Variants in GP6 observed in about 807,000 individuals in gnomAD.
GP6 encodes glycoprotein VI platelet.
In GP6, 45 loss-of-function variants were observed where a neutral mutation model predicts 37.3. That is an observed-to-expected ratio of 1.21 (90% CI 0.95 to 1.55). GP6 has a LOEUF of 1.55. Among genes scored for constraint, GP6 ranks in the 40% most tolerant of loss-of-function variants. The pLI is 0.00. For synonymous variants in GP6, 340 were observed against 316.4 expected (o/e 1.07, Z -0.79); for missense variants, 813 against 760.2 (o/e 1.07, Z -0.82).
intron 3 of GP6, among the ~76,000 whole-genome samples, chr19:55,029,104 A>G (rs1404733799): frequency 6.4e-5 from 7 of 110,218 alleles, no homozygotes; most frequent in Non-Finnish European, 1.2e-4. Flanking sequence ...AAGAAAGAGG[A>G]AGGAAGGGAG....
In GP6 at chr19:55,015,000, G is replaced by T. The variant is rs775626235; in HGVS notation, c.945C>A (p.Ala315=). Residue 315 remains alanine, a synonymous_variant, in exon 8 of 8, where the codon GCC becomes GCA. Coordinates refer to ENST00000310373, the MANE Select transcript of GP6 (RefSeq NM_001083899.2). The stretch of plus-strand genomic sequence containing the variant: ...GTTTGATTTCCGGGTCAGCGGGAGG[G>T]GCGGGAGGGGCGGAAGCGGCCTCTG... 158 of 1,610,690 alleles carry T rather than the reference G, an allele frequency of 9.8e-5. No individual in the cohort carries two copies. In the Middle Eastern group the frequency reaches 1.2e-3, roughly 12 times the overall value.
At chr19:55,024,115 T>C (rs915669569) in intron 5 of GP6, among the ~76,000 whole-genome samples, 2 of 152,192 alleles carry the variant, frequency 1.3e-5, no homozygotes, top group Non-Finnish European at 2.9e-5. Context: ...GTTTTTATGT[T>C]GTACTCTAAT....
chr19:55,028,093 C>G (rs2074381053), intron 3 of GP6, among the ~76,000 whole-genome samples: 1 of 152,236 alleles, frequency 6.6e-6, no homozygotes, highest in African/African-American at 2.4e-5. Context: ...CCTTCAGGGG[C>G]CTGGTGGCCC....
chr19:55,029,527 A>T (rs534152265), intron 3 of GP6, among the ~76,000 whole-genome samples: 13 of 149,778 alleles, frequency 8.7e-5, no homozygotes, highest in African/African-American at 3.2e-4. Context: ...AGTAGCTGGG[A>T]CTACAGGCAT....
rs1240234772 is a variant in GP6, at chr19:55,014,252, C to T, written c.1693G>A (p.Ala565Thr). ...CTGAGTTGCTGGGAGTATAGGGATG[C>T]ACCACCACACCTGGCTAATTTTTGT... The change falls in exon 8 of 8, where the codon GCA (alanine) becomes ACA (threonine). Residue 565 changes from alanine to threonine, a missense_variant. Physicochemically the swap from Ala to Thr is moderately conservative, Grantham distance 58. Transcript: ENST00000310373. 3.0e-6 allele frequency: 3 copies of T among 1,000,996 alleles called. No homozygotes were observed. Among genetic ancestry groups the T allele is most frequent in the East Asian group, 2.4e-5 (1 of 42,096 alleles). 62.0% of individuals were successfully genotyped at this position (1,000,996 alleles called of 1,614,324 possible). A position where few individuals can be genotyped will look rare whatever the true frequency, so the allele number is the denominator to read the frequency against.
Position 55,014,816 on chromosome 19 carries a change from G to A in GP6, c.1129C>T (p.Gln377Ter), listed in dbSNP as rs751635237. Residue 377 changes from glutamine (Q) to a stop codon, truncating the protein, a stop_gained, in exon 8 of 8, where the codon CAG becomes TAG. Transcript: ENST00000310373. LOFTEE classifies it low-confidence loss of function (END_TRUNC). ...GCAGCATGGCCTCGTTTCCACAGCT[G>A]TAGCCTCTGCCCTCCTGCTTCCACG... The A allele has an allele frequency of 2.0e-5, 32 of 1,613,838 alleles. No individual in the cohort carries two copies. The highest frequency in any genetic ancestry group is 2.7e-5 in the Non-Finnish European group (32 of 1,179,946).
intron 1 of GP6, among the ~76,000 whole-genome samples, chr19:55,035,946 G>A (rs2074813648): frequency 6.6e-6 from 1 of 151,402 alleles, no homozygotes; most frequent in South Asian, 2.1e-4. Context: ...GGTGGCGGGT[G>A]CCTGTAGTCC....
intron 5 of GP6, among the ~76,000 whole-genome samples, chr19:55,023,508 C>T (rs1323149929): frequency 6.6e-6 from 1 of 152,032 alleles, no homozygotes; most frequent in Non-Finnish European, 1.5e-5. Context: ...GTGGCATGTC[C>T]CCCAGTCCCA....
chr19:55,027,758 C>A lies in GP6; in HGVS notation c.430G>T (p.Ala144Ser). 1.2e-6 allele frequency: 2 copies of A among 1,613,914 alleles called. No individual in the cohort carries two copies. The highest frequency in any genetic ancestry group is 1.7e-6 in the Non-Finnish European group (2 of 1,179,770). ...GCAGGGTCCCCTTCCTTGTACAGAG[C>A]AAATTGGTCAAAGCCATACCGAGTC... The change falls in exon 4 of 8, where the codon GCT (alanine) becomes TCT (serine). Residue 144 changes from alanine to serine, a missense_variant. Coordinates refer to ENST00000310373, the MANE Select transcript of GP6 (RefSeq NM_001083899.2).
Position 55,015,049 on chromosome 19 carries a change from G to C in GP6, c.896C>G (p.Pro299Arg). 3 of 1,608,832 alleles carry C rather than the reference G, an allele frequency of 1.9e-6. No homozygotes were observed. Among genetic ancestry groups the C allele is most frequent in the Non-Finnish European group, 2.5e-6 (3 of 1,178,066 alleles). Residue 299 changes from proline to arginine, a missense_variant, in exon 8 of 8, where the codon CCT becomes CGT. Physicochemically the swap from Pro to Arg is moderately radical, Grantham distance 103. Coordinates refer to ENST00000310373, the MANE Select transcript of GP6 (RefSeq NM_001083899.2). ...TGCACAGCCCTGCCCCTGTGCCGCA[G>C]GCGCTTCCTCCGGCTGTGCCAGTCC...
In GP6 at chr19:55,014,033, T is replaced by A. The variant is rs186874802; in HGVS notation, c.*49A>T. Reference sequence around the variant, plus strand: ...AAAATGTATACAGAATTGTACATATTTATGGGGTGGACAGCAATATTGCAG... The same window carrying A: ...AAAATGTATACAGAATTGTACATATATATGGGGTGGACAGCAATATTGCAG... On this transcript the variant is annotated 3_prime_UTR_variant, in exon 8 of 8. Transcript: ENST00000310373. 3.6e-6 allele frequency: 2 copies of A among 559,948 alleles called. No individual in the cohort carries two copies. Among genetic ancestry groups the A allele is most frequent in the East Asian group, 8.4e-5 (2 of 23,918 alleles). 34.7% of individuals were successfully genotyped at this position (559,948 alleles called of 1,614,324 possible). A position where few individuals can be genotyped will look rare whatever the true frequency, so the allele number is the denominator to read the frequency against.
In GP6 at chr19:55,015,134, G is replaced by T; in HGVS notation, c.811C>A (p.Pro271Thr). Residue 271 changes from proline (P) to threonine (T), a missense_variant, in exon 8 of 8, where the codon CCT (proline) becomes ACT (threonine). Pro to Thr is a conservative substitution (Grantham distance 38). Transcript: ENST00000310373. ...CAGCCCCGAGGCATATCCGGACCAG[G>T]TTGCCCTTGGTGTAGTACTGGCGGG... 6.4e-7 allele frequency: 1 copy of T among 1,573,954 alleles called. No homozygotes were observed. Among genetic ancestry groups the T allele is most frequent in the Non-Finnish European group, 8.6e-7 (1 of 1,159,202 alleles).
At position 55,013,756 on chromosome 19, in the gene GP6, A is replaced by G. The variant is rs565777020; in HGVS notation, c.*326T>C. 2.3e-3 allele frequency: 542 copies of G among 236,152 alleles called. 14 individuals carry two copies. The South Asian group carries it at 0.03, about 13-fold the overall frequency. The allele number at this position is 236,152 out of a possible 1,614,324, so 14.6% of individuals were successfully genotyped here. On this transcript the variant is annotated 3_prime_UTR_variant, in exon 8 of 8. Coordinates refer to ENST00000310373, the MANE Select transcript of GP6 (RefSeq NM_001083899.2). ...TTTTAAGTAGAGATGGGGTCTCACT[A>G]TGTTGCCCAGGCTGGTCTTGAACTC...
intron 5 of GP6, among the ~76,000 whole-genome samples, chr19:55,024,289 T>TGCACGCAC: frequency 9.8e-6 from 1 of 101,912 alleles, no homozygotes; most frequent in African/African-American, 3.5e-5. Context: ...CACACACACA[T>TGCACGCAC]ATGCACGCAT....
chr19:55,021,206 A>AAG (rs2074069136), intron 5 of GP6, among the ~76,000 whole-genome samples: 1 of 149,346 alleles, frequency 6.7e-6, no homozygotes, highest in African/African-American at 2.5e-5. Flanking sequence ...TAAAAGAAAA[A>AAG]AAAAAAAAAA....
At chr19:55,029,482 C>A (rs1253822934) in intron 3 of GP6, among the ~76,000 whole-genome samples, 15 of 143,922 alleles carry the variant, frequency 1.0e-4, no homozygotes, top group Non-Finnish European at 2.0e-4. Flanking sequence ...CCTCCACCTC[C>A]TGGGTTCAAG....
intron 3 of GP6, 109 bp from the exon 4 acceptor site, chr19:55,027,971 CT>C: frequency 1.8e-6 from 2 of 1,104,796 alleles, no homozygotes; most frequent in Non-Finnish European, 2.8e-6. Context: ...GGCTGTATCC[CT>C]CCCAGAGAGC....
chr19:55,023,419 A>G (rs1457248741), intron 5 of GP6, among the ~76,000 whole-genome samples: 2 of 152,202 alleles, frequency 1.3e-5, no homozygotes, highest in African/African-American at 2.4e-5. Flanking sequence ...TGTTTGGATC[A>G]TAGGGGTGGA....
chr19:55,024,291 T>TGCACGCGCACACACAC (rs2074197100), intron 5 of GP6, among the ~76,000 whole-genome samples: 2 of 113,350 alleles, frequency 1.8e-5, no homozygotes, highest in East Asian at 2.3e-4. Context: ...CACACACATA[T>TGCACGCGCACACACAC]GCACGCATGC....
Sources: gnomAD v4.1 joint callset for allele counts (sites outside exome capture counted in the v4.1 genomes callset) on GRCh38, gnomAD v4.1.1 for gene constraint, MANE v1.5 for transcripts, NCBI Gene and HGNC (gene_info 2026-07-23, HGNC 2026-07-21) for gene names.